The following RBPMS2 variants were observed in gnomAD, a reference collection of about 807,000 sequenced individuals.
The protein encoded by RBPMS2 is RNA binding protein, mRNA processing factor 2, also known as RNA-binding protein with multiple splicing 2.
Under a neutral mutation model 25.7 loss-of-function variants are expected in RBPMS2, and 14 were observed. The observed-to-expected ratio is 0.55, with a 90% CI of 0.36 to 0.85. RBPMS2 has a LOEUF of 0.85. Ranked by LOEUF, RBPMS2 falls within the 40% of genes least tolerant of loss-of-function variation. The probability of loss-of-function intolerance (pLI) is 0.01; values close to 1 mark genes in which losing one functional copy is unlikely to be tolerated. For synonymous variants in RBPMS2, 127 were observed against 115.6 expected, an observed-to-expected ratio of 1.10 and a Z score of -0.63; for missense variants, 252 against 283.4, an observed-to-expected ratio of 0.89 and a Z score of 0.80.
At chr15:64,769,647 G>A (rs567472076) in intron 1 of RBPMS2, among the ~76,000 whole-genome samples, 43 of 152,044 alleles carry the variant, frequency 2.8e-4, no homozygotes, top group African/African-American at 1.0e-3. Flanking sequence ...GCGACAGAGC[G>A]AGACTCCATC....
At chr15:64,758,419 G>A (rs762259471) in intron 1 of RBPMS2, among the ~76,000 whole-genome samples, 7 of 152,226 alleles carry the variant, frequency 4.6e-5, no homozygotes, top group Non-Finnish European at 8.8e-5. Flanking sequence ...CCGGGGGAAC[G>A]GATGGAGGAT....
intron 1 of RBPMS2, among the ~76,000 whole-genome samples, chr15:64,755,483 C>G (rs1447898341): frequency 6.6e-6 from 1 of 152,056 alleles, no homozygotes; most frequent in African/African-American, 2.4e-5. Context: ...CTTGTACAGA[C>G]AGGGAGACTG....
chr15:64,758,455 C>T (rs1258186171), intron 1 of RBPMS2, among the ~76,000 whole-genome samples: 1 of 152,240 alleles, frequency 6.6e-6, no homozygotes, highest in Non-Finnish European at 1.5e-5. Context: ...GTCAAAGATA[C>T]TTGTTGAGGA....
intron 6 of RBPMS2, among the ~76,000 whole-genome samples, chr15:64,746,447 G>A (rs1191949971): frequency 2.6e-5 from 4 of 152,174 alleles, no homozygotes; most frequent in East Asian, 1.9e-4. Context: ...GCCATCATGC[G>A]AACAACACAC....
chr15:64,770,874 G>A (rs777190376), intron 1 of RBPMS2, among the ~76,000 whole-genome samples: 3 of 152,028 alleles, frequency 2.0e-5, no homozygotes, highest in Non-Finnish European at 4.4e-5. Context: ...GTGGTCCCAG[G>A]GCTCTGGCTG....
At chr15:64,756,494 G>A (rs931145926) in intron 1 of RBPMS2, among the ~76,000 whole-genome samples, 1 of 149,968 alleles carries the variant, frequency 6.7e-6, no homozygotes, top group Non-Finnish European at 1.5e-5. Context: ...TCCATCCTGG[G>A]CAGGAGAGCA....
intron 1 of RBPMS2, among the ~76,000 whole-genome samples, chr15:64,769,158 T>C (rs893904553): frequency 5.2e-5 from 6 of 116,492 alleles, no homozygotes; most frequent in African/African-American, 1.6e-4. Context: ...TGTAAGGATA[T>C]AGATTTTTTA....
At chr15:64,753,664 C>T (rs765448430) in intron 1 of RBPMS2, among the ~76,000 whole-genome samples, 7 of 152,092 alleles carry the variant, frequency 4.6e-5, no homozygotes, top group Admixed American at 2.0e-4. Context: ...AGCAGAATCT[C>T]GGGCCGCTTG....
chr15:64,772,489 C>T (rs888830607), intron 1 of RBPMS2, among the ~76,000 whole-genome samples: 2 of 151,814 alleles, frequency 1.3e-5, no homozygotes, highest in Non-Finnish European at 2.9e-5. Flanking sequence ...CAGAAAAATG[C>T]CAATTTTCCC....
At chr15:64,756,327 C>T (rs1487073929) in intron 1 of RBPMS2, among the ~76,000 whole-genome samples, 3 of 152,058 alleles carry the variant, frequency 2.0e-5, no homozygotes, top group Non-Finnish European at 4.4e-5. Flanking sequence ...ACCAGCCTGG[C>T]CAACATGATG....
At chr15:64,750,286 T>C (rs2083663770) in intron 3 of RBPMS2, 57 bp downstream of exon 3, 2 of 1,491,150 alleles carry the variant, frequency 1.3e-6, no homozygotes, top group African/African-American at 1.4e-5. Context: ...GGGCCCTTGT[T>C]TGAAGCTCAG....
intron 1 of RBPMS2, among the ~76,000 whole-genome samples, chr15:64,751,970 C>CTT (rs1194781208): frequency 2.9e-5 from 4 of 137,008 alleles, no homozygotes; most frequent in Non-Finnish European, 6.4e-5. Context: ...TTTTTTTTTT[C>CTT]TTTTTTTTTT....
intron 1 of RBPMS2, among the ~76,000 whole-genome samples, chr15:64,772,025 A>C (rs2083896290): frequency 6.6e-6 from 1 of 152,214 alleles, no homozygotes; most frequent in African/African-American, 2.4e-5. Context: ...GATTATTCAC[A>C]ATACCTAATA....
chr15:64,748,651 G>T, intron 5 of RBPMS2, 84 bp from the exon 6 acceptor site: 1 of 1,464,058 alleles, frequency 6.8e-7, no homozygotes, highest in Non-Finnish European at 9.1e-7. Flanking sequence ...CTATGGTTGA[G>T]CCATATGCCC....
intron 3 of RBPMS2, among the ~76,000 whole-genome samples, chr15:64,750,109 G>A (rs566186509): frequency 1.2e-4 from 18 of 152,140 alleles, no homozygotes; most frequent in East Asian, 1.2e-3. Flanking sequence ...CTCAGCCAGC[G>A]GGGCTCCCAG....
chr15:64,749,384 C>T lies in RBPMS2; in HGVS notation c.267+47G>A, dbSNP rs530513313. ...ATAAGATACATCTGCACACCCACTG[C>T]CTAAGAGGGCTGTGAGTCAGAGAAG... is the stretch of plus-strand genomic sequence containing the variant. On this transcript the variant is annotated intron_variant, in intron 4 of 7. Transcript: ENST00000300069. The T allele has an allele frequency of 4.6e-6, 7 of 1,537,606 alleles. No individual in the cohort carries two copies. The Admixed American group carries it at 1.0e-4, about 22-fold the overall frequency.
At chr15:64,775,155 G>A (rs1349586417) in intron 1 of RBPMS2, 78 bp downstream of exon 1, 3 of 817,404 alleles carry the variant, frequency 3.7e-6, no homozygotes, top group African/African-American at 3.6e-5. Flanking sequence ...CCCGCGAGGC[G>A]CGGCAGGCCC....
At chr15:64,764,596 C>T (rs1380222068) in intron 1 of RBPMS2, among the ~76,000 whole-genome samples, 8 of 152,140 alleles carry the variant, frequency 5.3e-5, no homozygotes, top group Admixed American at 6.6e-5. Context: ...AAGCTGTGCC[C>T]GGATGTATAT....
intron 1 of RBPMS2, among the ~76,000 whole-genome samples, chr15:64,764,057 C>G (rs1392167204): frequency 1.3e-5 from 2 of 152,226 alleles, no homozygotes; most frequent in African/African-American, 4.8e-5. Flanking sequence ...AACTCTGTGT[C>G]AGGGCAGGCT....
Sources: gnomAD v4.1 joint callset for allele counts (sites outside exome capture counted in the v4.1 genomes callset) on GRCh38, gnomAD v4.1.1 for gene constraint, MANE v1.5 for transcripts, NCBI Gene and HGNC (gene_info 2026-07-23, HGNC 2026-07-21) for gene names.